VAMP2: variants seen among roughly 807,000 people sequenced by gnomAD.
The protein encoded by VAMP2 is vesicle-associated membrane protein 2.
For synonymous variants in VAMP2, 67 were observed against 57.3 expected (o/e 1.17, Z -0.76); for missense variants, 95 against 151.3 (o/e 0.63, Z 1.95).
intron 4 of VAMP2, 200 bp downstream of exon 4, chr17:8,161,273 T>A: frequency 1.3e-6 from 1 of 771,332 alleles, no homozygotes; most frequent in African/African-American, 1.8e-5. Flanking sequence ...TTCCAAATGT[T>A]AACAAGACTG....
chr17:8,161,819 G>C, intron 2 of VAMP2, 53 bp from the exon 3 acceptor site: 2 of 1,587,684 alleles, frequency 1.3e-6, no homozygotes, highest in Non-Finnish European at 1.7e-6. Flanking sequence ...ACCTCAGTGA[G>C]GGCAATCCTC....
At position 8,160,769 on chromosome 17, in the gene VAMP2, G is replaced by GA. The variant is rs745913567; in HGVS notation, c.*85_*86insT. On this transcript the variant is annotated 3_prime_UTR_variant, in exon 5 of 5. Coordinates refer to ENST00000316509, the MANE Select transcript of VAMP2 (RefSeq NM_014232.3). ...ACACACACGGATCCAGGGGAGTGGGGGCTGAAAGATATGGCTGAGAGGTGG... is the reference window on the plus strand; with the variant it reads ...ACACACACGGATCCAGGGGAGTGGGGAGCTGAAAGATATGGCTGAGAGGTGG... 4.0e-6 allele frequency: 6 copies of GA among 1,498,660 alleles called. No homozygotes were observed. Among genetic ancestry groups the GA allele is most frequent in the African/African-American group, 2.8e-5 (2 of 72,400 alleles). 92.8% of individuals were successfully genotyped at this position (1,498,660 alleles called of 1,614,324 possible).
rs1215496180 is a variant in VAMP2 at position 8,162,305 on chromosome 17, G to C, written c.67C>G (p.Pro23Ala). ...CTCCTGTTACTGGTGAGGTTTGGAG[G>C]GGGTGCAGGGGGACCACCCTCCCCA... Reference protein sequence around the residue: ...PAGEGGPPAPPPNLTSNRRLQ... With the variant: ...PAGEGGPPAPAPNLTSNRRLQ... Residue 23 changes from proline (P) to alanine (A), a missense_variant, in exon 2 of 5, where the codon CCT (proline) becomes GCT (alanine). By Grantham distance (27) the Pro-to-Ala change is conservative. Coordinates refer to ENST00000316509, the MANE Select transcript of VAMP2 (RefSeq NM_014232.3). The C allele has an allele frequency of 3.8e-6, 6 of 1,595,284 alleles. No homozygotes were observed. Among genetic ancestry groups the C allele is most frequent in the Non-Finnish European group, 5.1e-6 (6 of 1,173,836 alleles).
intron 2 of VAMP2, 136 bp from the exon 3 acceptor site, chr17:8,161,902 A>G: frequency 7.4e-7 from 1 of 1,358,448 alleles, no homozygotes; most frequent in Non-Finnish European, 1.0e-6. Context: ...AAGGACACAC[A>G]GAACATGCCT....
Position 8,160,768 on chromosome 17 carries a change from G to GGT in VAMP2, c.*86_*87insAC, listed in dbSNP as rs2151865113. 1 of 1,492,554 alleles carries GGT rather than the reference G, an allele frequency of 6.7e-7. No individual in the cohort carries two copies. Among genetic ancestry groups the GGT allele is most frequent in the South Asian group, 1.3e-5 (1 of 79,372 alleles). The allele number at this position is 1,492,554 out of a possible 1,614,324, so 92.5% of individuals were successfully genotyped here. A position where few individuals can be genotyped will look rare whatever the true frequency, so the allele number is the denominator to read the frequency against. ...CACACACACGGATCCAGGGGAGTGG[G>GGT]GGCTGAAAGATATGGCTGAGAGGTG... On this transcript the variant is annotated 3_prime_UTR_variant, in exon 5 of 5. Coordinates refer to ENST00000316509, the MANE Select transcript of VAMP2 (RefSeq NM_014232.3).
In VAMP2 at chr17:8,161,588, C is replaced by T. The variant is rs368739616; in HGVS notation, c.282+20G>A. Reference sequence around the variant, plus strand: ...ATACCCCATTCACCCACCTGTCCTCCTTCCTGTCCCCACCCTTACCTTGAG... The same window carrying T: ...ATACCCCATTCACCCACCTGTCCTCTTTCCTGTCCCCACCCTTACCTTGAG... On this transcript the variant is annotated intron_variant, in intron 3 of 4. Coordinates refer to ENST00000316509, the MANE Select transcript of VAMP2 (RefSeq NM_014232.3). 2.4e-5 allele frequency: 39 copies of T among 1,613,814 alleles called. No homozygotes were observed. Among genetic ancestry groups the T allele is most frequent in the Non-Finnish European group, 5.1e-6 (6 of 1,179,806 alleles).
Position 8,162,939 on chromosome 17 carries a change from G to A in VAMP2, c.-60C>T. 1.7e-6 allele frequency: 2 copies of A among 1,201,362 alleles called. No homozygotes were observed. Among genetic ancestry groups the A allele is most frequent in the Non-Finnish European group, 1.0e-6 (1 of 968,358 alleles). 74.4% of individuals were successfully genotyped at this position (1,201,362 alleles called of 1,614,324 possible). On this transcript the variant is annotated 5_prime_UTR_variant, in exon 1 of 5. Transcript: ENST00000316509. Reference sequence around the variant, plus strand: ...AGTGATGGCGGCGGCGGCTCGCGCTGGCTCCGACTGGCGCTGGCTGCCCGG... The same window carrying A: ...AGTGATGGCGGCGGCGGCTCGCGCTAGCTCCGACTGGCGCTGGCTGCCCGG...
At chr17:8,162,571 T>C (rs907001723) in intron 1 of VAMP2, 3 of 1,450,386 alleles carry the variant, frequency 2.1e-6, no homozygotes. Flanking sequence ...GGCCTCAGTT[T>C]CCCCGCCTGT....
chr17:8,160,377 GTTGTTTTTTTTTT>G lies in VAMP2; in HGVS notation c.*465_*477del. On this transcript the variant is annotated 3_prime_UTR_variant, in exon 5 of 5. Transcript: ENST00000316509. The stretch of plus-strand genomic sequence containing the variant: ...ACCTAAGGAAGCCTGGACAGGTGCT[GTTGTTTTTTTTTT>G]TTTTTTTTTTTTTTTGAGGGCGGGG... The G allele has an allele frequency of 7.6e-5, 3 of 39,502 alleles. 1 individual carries two copies. Among genetic ancestry groups the G allele is most frequent in the Middle Eastern group, 0.022 (2 of 90 alleles). 2.4% of individuals were successfully genotyped at this position (39,502 alleles called of 1,614,324 possible). A position where few individuals can be genotyped will look rare whatever the true frequency, so the allele number is the denominator to read the frequency against.
At position 8,160,771 on chromosome 17, in the gene VAMP2, C is replaced by A. The variant is rs1330140210; in HGVS notation, c.*84G>T. On this transcript the variant is annotated 3_prime_UTR_variant, in exon 5 of 5. Coordinates refer to ENST00000316509, the MANE Select transcript of VAMP2 (RefSeq NM_014232.3). Reference sequence around the variant, plus strand: ...ACACACGGATCCAGGGGAGTGGGGGCTGAAAGATATGGCTGAGAGGTGGAG... The same window carrying A: ...ACACACGGATCCAGGGGAGTGGGGGATGAAAGATATGGCTGAGAGGTGGAG... 4.8e-6 allele frequency: 7 copies of A among 1,457,818 alleles called. No homozygotes were observed. The Admixed American group carries it at 7.6e-5, about 16-fold the overall frequency. The allele number at this position is 1,457,818 out of a possible 1,614,324, so 90.3% of individuals were successfully genotyped here.
chr17:8,162,372 G>A lies in VAMP2; in HGVS notation c.3-3C>T. On this transcript the variant is annotated splice_polypyrimidine_tract_variant and splice_region_variant and intron_variant, in intron 1 of 4. Transcript: ENST00000316509. ...GGGCCGTGGCAGCGGTAGCAGACCT[G>A]AGGAGCAGGGACGGATTAAGACCCA... 6.2e-7 allele frequency: 1 copy of A among 1,610,584 alleles called. No individual in the cohort carries two copies. The highest frequency in any genetic ancestry group is 1.1e-5 in the South Asian group (1 of 90,758).
chr17:8,162,723 G>C (rs963694200), intron 1 of VAMP2, 155 bp downstream of exon 1: 3 of 1,293,638 alleles, frequency 2.3e-6, no homozygotes, highest in Non-Finnish European at 2.9e-6. Flanking sequence ...CCCGGGACGC[G>C]GGGCTCCTCG....
At chr17:8,161,806 C>T in intron 2 of VAMP2, 40 bp from the exon 3 acceptor site, 2 of 1,596,910 alleles carry the variant, frequency 1.3e-6, no homozygotes, top group Non-Finnish European at 1.7e-6. Flanking sequence ...TGTGCCAAGG[C>T]CCACCTCAGT....
chr17:8,162,131 C>T (rs1233678332), intron 2 of VAMP2, 118 bp downstream of exon 2: 33 of 1,443,482 alleles, frequency 2.3e-5, no homozygotes, highest in Non-Finnish European at 3.0e-5. Context: ...GGCATGGTAT[C>T]TTTGTCCGCA....
chr17:8,160,723 G>C lies in VAMP2; in HGVS notation c.*132C>G, dbSNP rs1374813625. The C allele has an allele frequency of 5.7e-6, 4 of 704,702 alleles. No individual in the cohort carries two copies. The highest frequency in any genetic ancestry group is 8.9e-6 in the Non-Finnish European group (4 of 448,582). The allele number at this position is 704,702 out of a possible 1,614,324, so 43.7% of individuals were successfully genotyped here. ...TAAATAACAGCTGGCTATTTACAGG[G>C]GGACACACACACGGACACACACACA... On this transcript the variant is annotated 3_prime_UTR_variant, in exon 5 of 5. Transcript: ENST00000316509.
chr17:8,161,791 G>A (rs2151865387), intron 2 of VAMP2, 25 bp from the exon 3 acceptor site: 6 of 1,604,870 alleles, frequency 3.7e-6, no homozygotes, highest in Non-Finnish European at 4.3e-6. Flanking sequence ...CACGAGGCAG[G>A]GGGGTGTGCC....
At chr17:8,161,107 C>T (rs1388473820) in intron 4 of VAMP2, 1 of 556,778 alleles carries the variant, frequency 1.8e-6, no homozygotes, top group Non-Finnish European at 3.2e-6. Context: ...TCCTCTGAGC[C>T]TCTGAGACCG....
Position 8,162,276 on chromosome 17 carries a change from C to A in VAMP2, c.96G>T (p.Leu32=). 6.4e-7 allele frequency: 1 copy of A among 1,568,296 alleles called. No homozygotes were observed. The highest frequency in any genetic ancestry group is 1.4e-5 in the African/African-American group (1 of 72,410). Residue 32 remains leucine (L), a synonymous_variant, in exon 2 of 5, where the codon CTG becomes CTT. Coordinates refer to ENST00000316509, the MANE Select transcript of VAMP2 (RefSeq NM_014232.3). Reference sequence around the variant, plus strand: ...CATCCACCTGGGCCTGGGTCTGCTGCAGTCTCCTGTTACTGGTGAGGTTTG... The same window carrying A: ...CATCCACCTGGGCCTGGGTCTGCTGAAGTCTCCTGTTACTGGTGAGGTTTG... ...PPPNLTSNRR[L]QQTQAQVDEV...
At chr17:8,161,874 C>A in intron 2 of VAMP2, 108 bp from the exon 3 acceptor site, 1 of 1,495,332 alleles carries the variant, frequency 6.7e-7, no homozygotes, top group Non-Finnish European at 9.0e-7. Context: ...CACCCTGATA[C>A]TGCCAGGTTA....
Sources: allele counts gnomAD v4.1 joint callset, GRCh38; gene constraint gnomAD v4.1.1; transcripts MANE v1.5; gene names NCBI Gene and HGNC (gene_info 2026-07-23, HGNC 2026-07-21).